The following ZNF695 variants were observed in gnomAD, a reference collection of about 807,000 sequenced individuals.
ZNF695 encodes zinc finger protein SBZF3.
Under a neutral mutation model 11.2 loss-of-function variants are expected in ZNF695, and 11 were observed. That is an observed-to-expected ratio of 0.98 (90% confidence interval 0.62 to 1.62). The LOEUF (loss-of-function observed/expected upper bound fraction) is 1.62, where lower values mean the gene tolerates loss of function less well. Ranked by LOEUF, ZNF695 falls within the 40% of genes most tolerant of loss-of-function variation. ZNF695 has a pLI of 0.00. For synonymous variants in ZNF695, 190 were observed against 201.4 expected, an observed-to-expected ratio of 0.94 and a Z score of 0.48; for missense variants, 559 against 590.5, an observed-to-expected ratio of 0.95 and a Z score of 0.55.
At chr1:246,946,397 T>G (rs1021425824) in intron 5 of ZNF695, among the ~76,000 whole-genome samples, 1 of 152,264 alleles carries the variant, frequency 6.6e-6, no homozygotes, top group Non-Finnish European at 1.5e-5. Flanking sequence ...TCAATTCTTA[T>G]GCGGTCTGAT....
intron 5 of ZNF695, among the ~76,000 whole-genome samples, chr1:246,955,004 C>A (rs184562684): frequency 6.6e-6 from 1 of 152,216 alleles, no homozygotes; most frequent in Admixed American, 6.5e-5. Context: ...CCATAATCCC[C>A]ACGTGTCATG....
rs1668844454 is a variant in ZNF695 at position 246,986,304 on chromosome 1, G to A, written c.*663C>T. The A allele has an allele frequency of 1.1e-6, 1 of 909,818 alleles. No homozygotes were observed. The highest frequency in any genetic ancestry group is 1.3e-6 in the Non-Finnish European group (1 of 761,134). 56.4% of individuals were successfully genotyped at this position (909,818 alleles called of 1,614,324 possible). A position where few individuals can be genotyped will look rare whatever the true frequency, so the allele number is the denominator to read the frequency against. On this transcript the variant is annotated 3_prime_UTR_variant, in exon 4 of 4. Coordinates refer to ENST00000339986, the MANE Select transcript of ZNF695 (RefSeq NM_020394.5). ...CCTGGTCCCAAACTCCTGGGCTCAA[G>A]CAATCCCCCGACCTCGGCATCCAAA...
intron 5 of ZNF695, among the ~76,000 whole-genome samples, chr1:246,958,969 A>T (rs1481099594): frequency 6.6e-6 from 1 of 151,484 alleles, no homozygotes; most frequent in Non-Finnish European, 1.5e-5. Context: ...AATTATCCTT[A>T]CTCTCCTCAG....
chr1:246,976,560 C>G (rs186966626), intron 4 of ZNF695, among the ~76,000 whole-genome samples: 10 of 151,582 alleles, frequency 6.6e-5, no homozygotes, highest in African/African-American at 9.7e-5. Context: ...TTTGGGAGGC[C>G]AAGGCGGGCA....
intron 5 of ZNF695, among the ~76,000 whole-genome samples, chr1:246,956,305 T>A (rs984442843): frequency 3.3e-5 from 5 of 151,166 alleles, no homozygotes; most frequent in South Asian, 2.1e-4. Context: ...TCATTATTTT[T>A]AAAAAAATCT....
intron 5 of ZNF695, among the ~76,000 whole-genome samples, chr1:246,949,867 T>G (rs1398916455): frequency 6.6e-6 from 1 of 152,250 alleles, no homozygotes; most frequent in Non-Finnish European, 1.5e-5. Flanking sequence ...CAATTTTGTA[T>G]GTGTCTTTAA....
intron 4 of ZNF695, among the ~76,000 whole-genome samples, chr1:246,975,851 G>T (rs1668544259): frequency 6.6e-6 from 1 of 151,962 alleles, no homozygotes; most frequent in African/African-American, 2.4e-5. Flanking sequence ...CTTTAAAGAG[G>T]CTAAGTCTCA....
intron 5 of ZNF695, among the ~76,000 whole-genome samples, chr1:246,964,519 G>C (rs1042000830): frequency 1.3e-5 from 2 of 152,202 alleles, no homozygotes; most frequent in African/African-American, 4.8e-5. Context: ...TATGCCAAAG[G>C]ACTGGAGACA....
In ZNF695 at chr1:246,956,149, G is replaced by A. The variant is rs1230923807; in HGVS notation, c.489-10322C>T. Among the ~76,000 whole-genome samples, 9 of 150,998 alleles carry A rather than the reference G, an allele frequency of 6.0e-5. No individual in the cohort carries two copies. The South Asian group carries it at 1.1e-3, about 18-fold the overall frequency. On this transcript the variant is annotated intron_variant, in intron 5 of 5. Transcript: ENST00000487338. ...ATTACAGGCTTCGGCCACCAGTCCC[G>A]GCTAATTTTTTTGCATTTTTAGTAG...
intron 3 of ZNF695, among the ~76,000 whole-genome samples, chr1:246,994,714 GTA>G (rs1669143836): frequency 6.6e-6 from 1 of 151,980 alleles, no homozygotes; most frequent in Admixed American, 6.6e-5. Flanking sequence ...GAGGGCGTCT[GTA>G]GTCCCAGCTA....
At chr1:246,952,552 T>C (rs1038041329) in intron 5 of ZNF695, among the ~76,000 whole-genome samples, 37 of 146,024 alleles carry the variant, frequency 2.5e-4, no homozygotes, top group Non-Finnish European at 5.3e-4. Context: ...TCTTCTTCTT[T>C]TTTTTTTTTT....
At chr1:246,993,507 A>T (rs1348570755) in intron 3 of ZNF695, among the ~76,000 whole-genome samples, 1 of 152,188 alleles carries the variant, frequency 6.6e-6, no homozygotes, top group Non-Finnish European at 1.5e-5. Flanking sequence ...TAGCCTGGTC[A>T]ACTGGTGTCA....
At chr1:247,005,954 G>A (rs558408628) in intron 1 of ZNF695, among the ~76,000 whole-genome samples, 3 of 152,262 alleles carry the variant, frequency 2.0e-5, no homozygotes, top group South Asian at 2.1e-4. Flanking sequence ...GGCTGGGCAC[G>A]GTGGCTCAAG....
chr1:246,953,621 C>CA (rs1394771829), intron 5 of ZNF695, among the ~76,000 whole-genome samples: 2 of 151,012 alleles, frequency 1.3e-5, no homozygotes, highest in Non-Finnish European at 3.0e-5. Context: ...CAAAAACAAA[C>CA]AAAAAAACAA....
rs12087456 is a variant in ZNF695 at position 246,978,134 on chromosome 1, G to A, written c.390+9991C>T. ...GAACACAGGAGACATGATTGGGAGTGGCTGCTGCTACCTGTACTATCATGA... is the reference window on the plus strand; with the variant it reads ...GAACACAGGAGACATGATTGGGAGTAGCTGCTGCTACCTGTACTATCATGA... On this transcript the variant is annotated intron_variant, in intron 4 of 5. Transcript: ENST00000487338. 5.8e-3 allele frequency among the ~76,000 whole-genome samples: 888 copies of A among 152,288 alleles called. 19 individuals are homozygous for A. The highest frequency in any genetic ancestry group is 0.042 in the Admixed American group (635 of 15,300).
downstream of ZNF695, among the ~76,000 whole-genome samples, chr1:246,984,650 T>C (rs1002147841): frequency 5.9e-5 from 9 of 152,208 alleles, no homozygotes; most frequent in African/African-American, 2.2e-4. Flanking sequence ...AATTGCCCAA[T>C]AGAGTCAATA....
intron 5 of ZNF695, among the ~76,000 whole-genome samples, chr1:246,947,982 A>T (rs1340103166): frequency 2.6e-5 from 4 of 152,198 alleles, no homozygotes; most frequent in Admixed American, 1.3e-4. Flanking sequence ...TACTGGAAGG[A>T]TAATGTGGTA....
At position 246,986,991 on chromosome 1, in the gene ZNF695, A is replaced by G. The variant is rs1263463478; in HGVS notation, c.1524T>C (p.Ala508=). 1.9e-6 allele frequency: 3 copies of G among 1,589,930 alleles called. No homozygotes were observed. The African/African-American group carries it at 4.1e-5, about 22-fold the overall frequency. ...CTCAGGTATGAGTTTTCTCATGTAC[A>G]GCAAGTTGTGCAGAGTGGTTAAAGG... ...GKAFNHSAQL[A]VHEKTHT is the part of the protein sequence containing the mutation. The change falls in exon 4 of 4, where the codon GCT becomes GCC. Residue 508 remains alanine, a synonymous_variant. Coordinates refer to ENST00000339986, the MANE Select transcript of ZNF695 (RefSeq NM_020394.5).
intron 1 of ZNF695, among the ~76,000 whole-genome samples, chr1:247,003,097 C>G (rs1206026074): frequency 1.3e-5 from 2 of 152,168 alleles, no homozygotes; most frequent in Middle Eastern, 3.2e-3. Flanking sequence ...TTCGACCCAG[C>G]AATCCCATTA....
Sources: gnomAD v4.1 joint callset for allele counts (sites outside exome capture counted in the v4.1 genomes callset) on GRCh38, gnomAD v4.1.1 for gene constraint, MANE v1.5 for transcripts, NCBI Gene and HGNC (gene_info 2026-07-23, HGNC 2026-07-21) for gene names.